PARD3B: variants seen among roughly 807,000 people sequenced by gnomAD.
The protein encoded by PARD3B is par-3 family cell polarity regulator beta, also known as partitioning defective 3 homolog B.
In PARD3B, 103 loss-of-function variants were observed where a neutral mutation model predicts 130.2. The observed-to-expected ratio is 0.79, with a 90% CI of 0.67 to 0.93. The LOEUF (loss-of-function observed/expected upper bound fraction) is 0.93. Ranked by LOEUF, PARD3B falls within the 40% of genes least tolerant of loss-of-function variation. The pLI is 0.00. For synonymous variants in PARD3B, 583 were observed against 553.2 expected, an observed-to-expected ratio of 1.05 and a Z score of -0.76; for missense variants, 1,609 against 1,499.2, an observed-to-expected ratio of 1.07 and a Z score of -1.21.
intron 22 of PARD3B, among the ~76,000 whole-genome samples, chr2:205,557,529 G>A (rs13024035): frequency 0.14 from 20,782 of 152,246 alleles, 1,772 homozygotes; most frequent in Middle Eastern, 0.22. Context: ...TGAGCTCGGA[G>A]TCAGGCCATG....
chr2:205,063,984 A>T (rs1700211381), intron 4 of PARD3B, among the ~76,000 whole-genome samples: 1 of 152,130 alleles, frequency 6.6e-6, no homozygotes, highest in Admixed American at 6.6e-5. Context: ...GAATAAGACC[A>T]GTTTCTATAA....
At chr2:204,965,654 G>A (rs1473596635) in intron 3 of PARD3B, among the ~76,000 whole-genome samples, 2 of 152,114 alleles carry the variant, frequency 1.3e-5, no homozygotes, top group Non-Finnish European at 2.9e-5. Context: ...AAAAGCCAAG[G>A]TTTATCAAAG....
intron 22 of PARD3B, among the ~76,000 whole-genome samples, chr2:205,614,402 A>G (rs931789414): frequency 3.9e-5 from 6 of 152,094 alleles, no homozygotes; most frequent in Non-Finnish European, 7.3e-5. Flanking sequence ...TGATTACTTT[A>G]TATCAAAGCT....
chr2:205,211,134 A>G (rs963769528), intron 15 of PARD3B, among the ~76,000 whole-genome samples: 11 of 152,078 alleles, frequency 7.2e-5, no homozygotes, highest in Admixed American at 2.0e-4. Flanking sequence ...TTCTAAAAAT[A>G]ATTTATTTTT....
intron 4 of PARD3B, among the ~76,000 whole-genome samples, chr2:205,074,095 A>G (rs1291148472): frequency 2.6e-5 from 4 of 152,176 alleles, no homozygotes; most frequent in Non-Finnish European, 5.9e-5. Flanking sequence ...ATTTAAATGT[A>G]TCTTTTTCTA....
chr2:204,678,916 T>C lies in PARD3B; in HGVS notation c.121-7265T>C, dbSNP rs938942250. 6.6e-6 allele frequency among the ~76,000 whole-genome samples: 1 copy of C among 152,150 alleles called. No homozygotes were observed. The highest frequency in any genetic ancestry group is 1.9e-4 in the East Asian group (1 of 5,192). The stretch of plus-strand genomic sequence containing the variant: ...AACATACAGATCAAGAAATAGAACA[T>C]TGCCCTAGAAGCCGCTTCATGCCTC... On this transcript the variant is annotated intron_variant, in intron 1 of 22. Coordinates refer to ENST00000406610, the MANE Select transcript of PARD3B (RefSeq NM_001302769.2). The surrounding 1 kb of genome is among the most constrained non-coding windows in gnomAD (Gnocchi z 4.2).
intron 4 of PARD3B, among the ~76,000 whole-genome samples, chr2:205,063,627 T>G (rs899548548): frequency 6.6e-6 from 1 of 152,184 alleles, no homozygotes; most frequent in Non-Finnish European, 1.5e-5. Flanking sequence ...AATATATTAT[T>G]TCATCGAATC....
At chr2:204,990,360 C>T (rs999303337) in intron 3 of PARD3B, among the ~76,000 whole-genome samples, 3 of 151,788 alleles carry the variant, frequency 2.0e-5, no homozygotes, top group Admixed American at 6.6e-5. Context: ...GGATTATTAG[C>T]GTATCACCTC....
intron 21 of PARD3B, among the ~76,000 whole-genome samples, chr2:205,533,634 CT>C (rs2051701481): frequency 3.3e-5 from 5 of 152,120 alleles, no homozygotes; most frequent in Admixed American, 2.6e-4. Flanking sequence ...GAAATCACCC[CT>C]GTGTAACCAG....
intron 22 of PARD3B, among the ~76,000 whole-genome samples, chr2:205,560,303 G>C (rs982181202): frequency 3.3e-5 from 5 of 152,168 alleles, no homozygotes; most frequent in African/African-American, 1.2e-4. Context: ...ATATGACACA[G>C]AACATTCCTA....
At chr2:204,567,627 T>G (rs567556960) in intron 1 of PARD3B, among the ~76,000 whole-genome samples, 20 of 152,370 alleles carry the variant, frequency 1.3e-4, no homozygotes, top group African/African-American at 4.8e-4. Flanking sequence ...GATGGATGCT[T>G]GGTTCCTTCC....
Position 205,519,790 on chromosome 2 carries a change from G to A in PARD3B, c.3180+19759G>A, listed in dbSNP as rs1226247746. On this transcript the variant is annotated intron_variant, in intron 21 of 22. Transcript: ENST00000406610. ...TGTTTTCACTGGACTAAGGCTTTGT[G>A]CAGGGTCTTTATTTGAAGCTGACTT... is the stretch of plus-strand genomic sequence containing the variant. Among the ~76,000 whole-genome samples the A allele has an allele frequency of 3.2e-4, 49 of 152,148 alleles. 1 individual carries two copies. Among genetic ancestry groups the A allele is most frequent in the Non-Finnish European group, 4.4e-5 (3 of 68,028 alleles).
intron 18 of PARD3B, among the ~76,000 whole-genome samples, chr2:205,342,808 T>G (rs935579142): frequency 6.6e-6 from 1 of 152,150 alleles, no homozygotes; most frequent in Non-Finnish European, 1.5e-5. Flanking sequence ...GGTGTCAACA[T>G]TTTTTTCTCA....
intron 2 of PARD3B, among the ~76,000 whole-genome samples, chr2:204,749,102 CA>C (rs374737532): frequency 0.011 from 1,700 of 152,126 alleles, 16 homozygotes; most frequent in Non-Finnish European, 0.018. Flanking sequence ...CTAACACCCC[CA>C]AACTGATCTG....
At chr2:205,555,954 G>A (rs995450842) in intron 22 of PARD3B, among the ~76,000 whole-genome samples, 8 of 152,156 alleles carry the variant, frequency 5.3e-5, no homozygotes, top group Non-Finnish European at 8.8e-5. Flanking sequence ...GGCCAGAGAC[G>A]TACTGCTGGC....
intron 14 of PARD3B, among the ~76,000 whole-genome samples, chr2:205,190,048 T>G (rs2036310180): frequency 6.6e-6 from 1 of 152,240 alleles, no homozygotes; most frequent in Non-Finnish European, 1.5e-5. Flanking sequence ...GTGCAGCCTT[T>G]TATTTCTTTG....
chr2:205,035,887 T>C (rs1183283899), intron 3 of PARD3B, among the ~76,000 whole-genome samples: 2 of 136,012 alleles, frequency 1.5e-5, no homozygotes, highest in African/African-American at 5.6e-5. Context: ...ATATAATATA[T>C]ATAATGGGCT....
In PARD3B at chr2:205,183,730, T is replaced by TTGTGTGTGTG. The variant is rs71410805; in HGVS notation, c.1925-1999_1925-1990dup. ...GGTTCTGCAGAGAAACAGAACCAAG[T>TTGTGTGTGTG]TGTGTGTGTGTGTGTGTGTGTGTGT... On this transcript the variant is annotated intron_variant, in intron 13 of 22. Coordinates refer to ENST00000406610, the MANE Select transcript of PARD3B (RefSeq NM_001302769.2). The surrounding 1 kb of genome is among the most constrained non-coding windows in gnomAD (Gnocchi z 5.2). Among the ~76,000 whole-genome samples the TTGTGTGTGTG allele has an allele frequency of 3.4e-3, 467 of 138,240 alleles. 1 individual carries two copies. The highest frequency in any genetic ancestry group is 5.4e-3 in the African/African-American group (200 of 37,168). 90.7% of individuals were successfully genotyped at this position (138,240 alleles called of 152,430 possible).
At chr2:205,232,567 G>GA (rs1392722030) in intron 15 of PARD3B, among the ~76,000 whole-genome samples, 1 of 151,840 alleles carries the variant, frequency 6.6e-6, no homozygotes, top group Non-Finnish European at 1.5e-5. Context: ...ATATAATAAG[G>GA]AAAAAAATTA....
Sources: gnomAD v4.1 joint callset for allele counts (sites outside exome capture counted in the v4.1 genomes callset) on GRCh38, gnomAD v4.1.1 for gene constraint, Gnocchi (gnomAD v3.1) non-coding constraint, MANE v1.5 for transcripts, NCBI Gene and HGNC (gene_info 2026-07-23, HGNC 2026-07-21) for gene names.